Variants in ATP13A5 observed in about 807,000 individuals in gnomAD.
ATP13A5 encodes ATPase 13A5, also known as probable cation-transporting ATPase 13A5.
A neutral mutation model predicts 150.2 loss-of-function variants in ATP13A5; 149 were observed. The ratio of observed to expected loss-of-function variants is 0.99; its 90% CI spans 0.87 to 1.14. The LOEUF (loss-of-function observed/expected upper bound fraction) is 1.14, where lower values mean the gene tolerates loss of function less well. Ranked by LOEUF, ATP13A5 falls within the 50% of genes most tolerant of loss-of-function variation. The pLI is 0.00. For synonymous variants in ATP13A5, 497 were observed against 522.2 expected (o/e 0.95, Z 0.66); for missense variants, 1,383 against 1,449.3 (o/e 0.95, Z 0.74).
chr3:193,302,688 C>A (rs1283033202), intron 23 of ATP13A5, among the ~76,000 whole-genome samples: 1 of 152,152 alleles, frequency 6.6e-6, no homozygotes, highest in Non-Finnish European at 1.5e-5. Flanking sequence ...ACAGTCTCTG[C>A]CCTAAAGGAC....
chr3:193,279,538 G>T (rs1233027538), intron 27 of ATP13A5, 84 bp from the exon 28 acceptor site: 25 of 1,059,878 alleles, frequency 2.4e-5, no homozygotes, highest in Admixed American at 1.9e-4. Flanking sequence ...AATTATCTCT[G>T]TTGGGCAAAT....
Position 193,315,048 on chromosome 3 carries a change from C to T in ATP13A5, c.2082G>A (p.Glu694=), listed in dbSNP as rs1307240117. ...ELTFLGLLIM[E]NRLKKETKLV... is the part of the protein sequence containing the mutation. ...GTTTGGTTTCTTTTTTCAAGCGATT[C>T]TCCATGATGAGAAGTCCCAGAAATG... Residue 694 remains glutamate (E), a synonymous_variant, in exon 18 of 30, where the codon GAG becomes GAA. Transcript: ENST00000342358. 6 of 1,613,508 alleles carry T rather than the reference C, an allele frequency of 3.7e-6. No individual in the cohort carries two copies. Among genetic ancestry groups the T allele is most frequent in the South Asian group, 3.3e-5 (3 of 91,066 alleles).
chr3:193,308,186 A>C lies in ATP13A5; in HGVS notation c.2526-817T>G, dbSNP rs1459126141. 3.3e-5 allele frequency among the ~76,000 whole-genome samples: 5 copies of C among 152,336 alleles called. No homozygotes were observed. In the East Asian group the frequency reaches 9.6e-4, roughly 29 times the overall value. On this transcript the variant is annotated intron_variant, in intron 21 of 29. Transcript: ENST00000342358. ...AACAGTTAATTAAATGTGGCCAGGC[A>C]CGGTGGCTCACACCTGTAATCCCAG... is the stretch of plus-strand genomic sequence containing the variant.
intron 10 of ATP13A5, 21 bp downstream of exon 10, chr3:193,334,908 A>G: frequency 1.9e-6 from 3 of 1,599,258 alleles, no homozygotes; most frequent in Non-Finnish European, 2.6e-6. Flanking sequence ...AATTAAACTT[A>G]CAAAAGTGGA....
chr3:193,286,544 C>T (rs1033423144), intron 26 of ATP13A5, among the ~76,000 whole-genome samples: 1 of 152,136 alleles, frequency 6.6e-6, no homozygotes, highest in African/African-American at 2.4e-5. Flanking sequence ...TGATCTTTGG[C>T]GTTTCTATCA....
At chr3:193,314,508 C>A in intron 18 of ATP13A5, 1 of 325,496 alleles carries the variant, frequency 3.1e-6, no homozygotes, top group Non-Finnish European at 5.7e-6. Context: ...AGCATGATCT[C>A]AGCCTGATAG....
At position 193,307,346 on chromosome 3, in the gene ATP13A5, T is replaced by C. The variant is rs1718656385; in HGVS notation, c.2549A>G (p.Asp850Gly). ...KLNYYVGMCG[D>G]GANDCGALKA... is the part of the protein sequence containing the mutation. ...ACTCACCCCACAGTCGTTAGCTCCA[T>C]CTCCACACATGCCCACATAATAACT... The change falls in exon 22 of 30, where the codon GAT (aspartate) becomes GGT (glycine). Residue 850 changes from aspartate (D) to glycine (G), a missense_variant. This residue lies in a region of ATP13A5 where 568 missense variants were observed against 621.5 expected (regional missense o/e 0.91). Transcript: ENST00000342358. 6.2e-7 allele frequency: 1 copy of C among 1,611,958 alleles called. No homozygotes were observed.
chr3:193,334,324 C>T (rs373375678), intron 10 of ATP13A5, among the ~76,000 whole-genome samples: 41 of 152,188 alleles, frequency 2.7e-4, no homozygotes, highest in Admixed American at 1.0e-3. Flanking sequence ...CATTGTGTCA[C>T]GTCATGTAAA....
intron 25 of ATP13A5, 39 bp from the exon 26 acceptor site, chr3:193,290,098 T>C (rs759265139): frequency 6.5e-7 from 1 of 1,547,994 alleles, no homozygotes; most frequent in Admixed American, 2.0e-5. Flanking sequence ...TACAATCTTA[T>C]CATTGAGAAT....
intron 5 of ATP13A5, among the ~76,000 whole-genome samples, chr3:193,359,841 G>C (rs1712937210): frequency 6.6e-6 from 1 of 152,008 alleles, no homozygotes; most frequent in Non-Finnish European, 1.5e-5. Context: ...GGTGGTGCAG[G>C]GGGGCTGGGA....
At position 193,321,735 on chromosome 3, in the gene ATP13A5, C is replaced by T. The variant is rs1321249580; in HGVS notation, c.1861G>A (p.Val621Ile). 1.9e-6 allele frequency: 3 copies of T among 1,614,170 alleles called. No homozygotes were observed. Among genetic ancestry groups the T allele is most frequent in the African/African-American group, 2.7e-5 (2 of 75,050 alleles). Reference protein sequence around the residue: ...AQLAGENHFHVYMKGAPEMVA... With the variant: ...AQLAGENHFHIYMKGAPEMVA... The stretch of plus-strand genomic sequence containing the variant: ...ATTTCTGGGGCACCTTTCATGTAGA[C>T]ATGGAAATGATTCTCCCCAGCTAGC... Residue 621 changes from valine (V) to isoleucine (I), a missense_variant, in exon 16 of 30, where the codon GTC (valine) becomes ATC (isoleucine). Around this residue, in one of 3 missense-constraint regions of ATP13A5, gnomAD observed 787 missense variants for 771.9 expected, o/e 1.02. Transcript: ENST00000342358.
chr3:193,371,682 A>G (rs1713447007), intron 1 of ATP13A5, among the ~76,000 whole-genome samples: 1 of 152,170 alleles, frequency 6.6e-6, no homozygotes, highest in Non-Finnish European at 1.5e-5. Context: ...ACCACAGGGC[A>G]TCTTCCATCT....
intron 16 of ATP13A5, among the ~76,000 whole-genome samples, chr3:193,320,688 A>G (rs1257345835): frequency 1.3e-5 from 2 of 152,146 alleles, no homozygotes; most frequent in Non-Finnish European, 2.9e-5. Flanking sequence ...CCAAATCTAG[A>G]ATTCTCTGCA....
At chr3:193,352,405 T>C (rs528460019) in intron 6 of ATP13A5, among the ~76,000 whole-genome samples, 2 of 152,358 alleles carry the variant, frequency 1.3e-5, no homozygotes, top group East Asian at 3.9e-4. Context: ...TAAATACTTT[T>C]TGCAGAAGAA....
intron 1 of ATP13A5, among the ~76,000 whole-genome samples, chr3:193,372,570 C>T (rs907810098): frequency 1.6e-5 from 1 of 60,934 alleles, no homozygotes; most frequent in Non-Finnish European, 3.2e-5. Flanking sequence ...TAAAAAAATA[C>T]AGATTATGGC....
At chr3:193,278,218 C>T (rs1717315903) in intron 28 of ATP13A5, among the ~76,000 whole-genome samples, 2 of 152,290 alleles carry the variant, frequency 1.3e-5, no homozygotes, top group South Asian at 2.1e-4. Context: ...TCTGGAGCTT[C>T]GTGTTTGATA....
chr3:193,296,372 G>A (rs1341354567), intron 25 of ATP13A5, among the ~76,000 whole-genome samples: 2 of 152,082 alleles, frequency 1.3e-5, no homozygotes, highest in East Asian at 1.9e-4. Context: ...TAAGGTGTAA[G>A]GAAGGGGTCC....
intron 26 of ATP13A5, among the ~76,000 whole-genome samples, chr3:193,285,644 A>C (rs1237458871): frequency 6.6e-6 from 1 of 152,072 alleles, no homozygotes; most frequent in African/African-American, 2.4e-5. Flanking sequence ...GTCTCAATCT[A>C]CCTTTTCAGT....
At chr3:193,290,711 G>T (rs1445790513) in intron 25 of ATP13A5, among the ~76,000 whole-genome samples, 6 of 152,066 alleles carry the variant, frequency 3.9e-5, no homozygotes, top group African/African-American at 9.7e-5. Context: ...TTGTATTTTT[G>T]ATTTCAGGGC....
Sources: allele counts gnomAD v4.1 joint callset (sites outside exome capture counted in the v4.1 genomes callset), GRCh38; gene constraint gnomAD v4.1.1; regional missense constraint gnomAD v4.1.1; transcripts MANE v1.5; gene names NCBI Gene and HGNC (gene_info 2026-07-23, HGNC 2026-07-21).